Variants in CFAP46 observed in about 807,000 individuals in gnomAD.
CFAP46 encodes the protein cilia and flagella associated protein 46, also known as cilia- and flagella-associated protein 46.
CFAP46 carries 245 observed loss-of-function variants against 325.7 expected under a neutral mutation model. That is an observed-to-expected ratio of 0.75 (90% confidence interval 0.68 to 0.84). The LOEUF is 0.84. Among genes scored for constraint, CFAP46 ranks in the 40% least tolerant of loss-of-function variants. The probability of loss-of-function intolerance (pLI) is 0.00; values close to 1 mark genes in which losing one functional copy is unlikely to be tolerated. For missense variants in CFAP46, 3,346 were observed against 3,543.0 expected (o/e 0.94, Z 1.41); for synonymous variants, 1,523 against 1,495.9 (o/e 1.02, Z -0.42).
At chr10:132,926,148 G>A (rs1265624168) in intron 10 of CFAP46, among the ~76,000 whole-genome samples, 2 of 152,228 alleles carry the variant, frequency 1.3e-5, no homozygotes, top group African/African-American at 4.8e-5. Flanking sequence ...CTGACGCCAG[G>A]GCCGGCGGTG....
chr10:132,809,013 G>A (rs138666515), intron 57 of CFAP46, 109 bp from the exon 58 acceptor site: 21,611 of 1,120,574 alleles, frequency 0.019, 308 homozygotes, highest in Middle Eastern at 0.037. Flanking sequence ...AACTGAGGGC[G>A]CTCTGGGGAA....
At position 132,860,771 on chromosome 10, in the gene CFAP46, G is replaced by A. The variant is rs571493787; in HGVS notation, c.5091+11C>T. ...ACCCGACATGCAGCCCCAGGTCCCC[G>A]TGCCTCTTACCGTAGCTTCCCTTCC... On this transcript the variant is annotated intron_variant, in intron 36 of 57. Coordinates refer to ENST00000368586, the MANE Select transcript of CFAP46 (RefSeq NM_001200049.3). 1.4e-5 allele frequency: 21 copies of A among 1,550,114 alleles called. No individual in the cohort carries two copies. The East Asian group carries it at 2.7e-4, about 20-fold the overall frequency.
intron 35 of CFAP46, 145 bp downstream of exon 35, chr10:132,865,880 G>T: frequency 1.3e-6 from 1 of 744,432 alleles, no homozygotes; most frequent in Non-Finnish European, 1.9e-6. Flanking sequence ...CTGACTTCCC[G>T]CAGAGAGCTG....
At chr10:132,912,604 C>CCTCTCTCTCTCT in intron 19 of CFAP46, 51 bp downstream of exon 19, 1 of 1,315,574 alleles carries the variant, frequency 7.6e-7, no homozygotes, top group Non-Finnish European at 1.0e-6. Flanking sequence ...TCTCCTCTCT[C>CCTCTCTCTCTCT]CTCTCTCTCT....
At chr10:132,902,565 C>T (rs1480544296) in intron 22 of CFAP46, among the ~76,000 whole-genome samples, 5 of 152,206 alleles carry the variant, frequency 3.3e-5, no homozygotes, top group Non-Finnish European at 7.3e-5. Flanking sequence ...ATTATATTGA[C>T]AGTAGCTGTT....
chr10:132,851,034 G>A (rs770828097), intron 40 of CFAP46, 83 bp downstream of exon 40: 39 of 1,534,756 alleles, frequency 2.5e-5, no homozygotes, highest in Non-Finnish European at 3.0e-5. Flanking sequence ...TGGTGGAGAC[G>A]GCTCCTGCTG....
chr10:132,814,473 C>A, intron 53 of CFAP46, 104 bp downstream of exon 53: 1 of 1,406,774 alleles, frequency 7.1e-7, no homozygotes, highest in Admixed American at 2.1e-5. Flanking sequence ...ATGCAGATTT[C>A]GGAGCCTCGA....
At chr10:132,859,043 C>G (rs1246296687) in intron 38 of CFAP46, 28 bp downstream of exon 38, 1 of 1,540,662 alleles carries the variant, frequency 6.5e-7, no homozygotes, top group African/African-American at 1.4e-5. Context: ...CAGTGACTCC[C>G]GTGCAGGGGT....
At chr10:132,834,797 GC>G (rs1848211612) in intron 47 of CFAP46, 22 bp from the exon 48 acceptor site, 1 of 1,604,822 alleles carries the variant, frequency 6.2e-7, no homozygotes. Flanking sequence ...CAAAAAAGAG[GC>G]CCCCGTAGCA....
rs896842930 is a variant in CFAP46 at position 132,938,508 on chromosome 10, C to A, written c.536+81G>T. On this transcript the variant is annotated intron_variant, in intron 5 of 57. Coordinates refer to ENST00000368586, the MANE Select transcript of CFAP46 (RefSeq NM_001200049.3). Reference sequence around the variant, plus strand: ...CCAGTGATGTGGAACTCCCGTCCCCCCCCCGGAGAAGGGGTGGTGGCCTCA... The same window carrying A: ...CCAGTGATGTGGAACTCCCGTCCCCACCCCGGAGAAGGGGTGGTGGCCTCA... 51 of 1,375,324 alleles carry A rather than the reference C, an allele frequency of 3.7e-5. 1 individual carries two copies. Among genetic ancestry groups the A allele is most frequent in the South Asian group, 1.5e-4 (12 of 79,634 alleles). 85.2% of individuals were successfully genotyped at this position (1,375,324 alleles called of 1,614,324 possible).
chr10:132,834,705 AG>A lies in CFAP46; in HGVS notation c.6814del (p.Leu2272TrpfsTer56), dbSNP rs1848208584. The A allele has an allele frequency of 6.2e-7, 1 of 1,612,662 alleles. No homozygotes were observed. The highest frequency in any genetic ancestry group is 8.5e-7 in the Non-Finnish European group (1 of 1,179,862). ...VQRLSSVLGPLEELLQPLFPL... is the reference protein window; with the variant it reads ...VQRLSSVLGPXEELLQPLFPL... ...GAATAGCGGCTGCAGAAGCTCCTCC[AG>A]GGGCCCCAGGACGCTACTGAGCCTC... On this transcript the variant is annotated frameshift_variant, in exon 48 of 58. Transcript: ENST00000368586. LOFTEE classifies it high-confidence loss of function.
chr10:132,938,502 G>GT, intron 5 of CFAP46, 87 bp downstream of exon 5: 1 of 1,265,334 alleles, frequency 7.9e-7, no homozygotes, highest in Non-Finnish European at 1.1e-6. Context: ...TGGAACTCCC[G>GT]TCCCCCCCCC....
rs1333449725 is a variant in CFAP46 at position 132,899,532 on chromosome 10, C to T, written c.3056+3G>A. ...CCCACCCCAGCCCCTTAGAGCCACA[C>T]ACCTGGCGCTCTCCGTGAAGGCCTT... On this transcript the variant is annotated splice_donor_region_variant and intron_variant, in intron 23 of 57. Coordinates refer to ENST00000368586, the MANE Select transcript of CFAP46 (RefSeq NM_001200049.3). 4 of 1,545,508 alleles carry T rather than the reference C, an allele frequency of 2.6e-6. No homozygotes were observed. The highest frequency in any genetic ancestry group is 3.5e-6 in the Non-Finnish European group (4 of 1,145,104).
At chr10:132,835,071 C>T (rs1257306014) in intron 47 of CFAP46, among the ~76,000 whole-genome samples, 1 of 152,238 alleles carries the variant, frequency 6.6e-6, no homozygotes, top group Non-Finnish European at 1.5e-5. Context: ...GACCAGGCCC[C>T]TCCTGTTTGT....
chr10:132,855,323 GTGT>G (rs1462965534), intron 39 of CFAP46, among the ~76,000 whole-genome samples: 1 of 152,174 alleles, frequency 6.6e-6, no homozygotes, highest in African/African-American at 2.4e-5. Context: ...TCGGCTGTGT[GTGT>G]TGTTAATATA....
chr10:132,857,574 C>T lies in CFAP46; in HGVS notation c.5574+16G>A, dbSNP rs768654818. 2 of 1,610,004 alleles carry T rather than the reference C, an allele frequency of 1.2e-6. No individual in the cohort carries two copies. The highest frequency in any genetic ancestry group is 3.4e-5 in the Admixed American group (2 of 58,554). ...GGAGTGACCCAGTGTGCACAGGAAC[C>T]AGGACACCTGCTTACGTCTTGAAGT... On this transcript the variant is annotated intron_variant, in intron 39 of 57. Coordinates refer to ENST00000368586, the MANE Select transcript of CFAP46 (RefSeq NM_001200049.3).
rs1849615771 is a variant in CFAP46, at chr10:132,915,048, C to A, written c.2120+1501G>T. 2.0e-5 allele frequency among the ~76,000 whole-genome samples: 3 copies of A among 152,278 alleles called. No homozygotes were observed. The South Asian group carries it at 6.2e-4, about 31-fold the overall frequency. ...ACAGGGTCTGTCCGTCCCGCTAGAC[C>A]AGGCTGGGCAAACTTTTTCTATAAG... On this transcript the variant is annotated intron_variant, in intron 17 of 57. Coordinates refer to ENST00000368586, the MANE Select transcript of CFAP46 (RefSeq NM_001200049.3).
intron 29 of CFAP46, among the ~76,000 whole-genome samples, chr10:132,878,936 G>T (rs548113494): frequency 6.6e-6 from 1 of 152,332 alleles, no homozygotes; most frequent in East Asian, 1.9e-4. Flanking sequence ...ACAGGGAGAG[G>T]TGGTAGGAGG....
chr10:132,841,517 G>T (rs181785307), intron 44 of CFAP46, among the ~76,000 whole-genome samples: 2 of 152,350 alleles, frequency 1.3e-5, no homozygotes, highest in Admixed American at 1.3e-4. Context: ...ACAGCTCTGG[G>T]GTCCTGGTGG....
Sources: gnomAD v4.1 joint callset for allele counts (sites outside exome capture counted in the v4.1 genomes callset) on GRCh38, gnomAD v4.1.1 for gene constraint, MANE v1.5 for transcripts, NCBI Gene and HGNC (gene_info 2026-07-23, HGNC 2026-07-21) for gene names.